Variants in KAZN observed in about 807,000 individuals in gnomAD.
The protein encoded by KAZN is kazrin, periplakin interacting protein.
KAZN carries 40 observed loss-of-function variants against 87.4 expected under a neutral mutation model. The ratio of observed to expected loss-of-function variants is 0.46; its 90% CI spans 0.36 to 0.60. The LOEUF is 0.60. Among genes scored for constraint, KAZN ranks in the 20% least tolerant of loss-of-function variants. The pLI, the probability that KAZN is intolerant of heterozygous loss-of-function variation, is 0.00. For synonymous variants in KAZN, 466 were observed against 458.3 expected, an observed-to-expected ratio of 1.02 and a Z score of -0.22; for missense variants, 898 against 1,073.9, an observed-to-expected ratio of 0.84 and a Z score of 2.29.
intron 3 of KAZN, among the ~76,000 whole-genome samples, chr1:15,036,544 C>T (rs1286135832): frequency 6.6e-6 from 1 of 152,024 alleles, no homozygotes; most frequent in Non-Finnish European, 1.5e-5. Flanking sequence ...CAGGGGAGCC[C>T]ACAGAGGCTG....
At chr1:14,516,117 C>A (rs767732153) in intron 2 of KAZN, among the ~76,000 whole-genome samples, 22 of 152,188 alleles carry the variant, frequency 1.4e-4, no homozygotes, top group Non-Finnish European at 2.8e-4. Flanking sequence ...TTCGCTTGAG[C>A]AGCAAGTCGA....
chr1:14,686,703 C>G (rs1340806525), intron 1 of KAZN, among the ~76,000 whole-genome samples: 3 of 152,220 alleles, frequency 2.0e-5, no homozygotes, highest in Non-Finnish European at 4.4e-5. Flanking sequence ...GGAGAAGGGC[C>G]TGGCACTGGC....
chr1:14,867,401 T>C (rs577548035), intron 1 of KAZN, among the ~76,000 whole-genome samples: 85 of 152,288 alleles, frequency 5.6e-4, no homozygotes, highest in African/African-American at 1.9e-3. Flanking sequence ...GACCATTGTA[T>C]TCCCCCGGGA....
intron 1 of KAZN, among the ~76,000 whole-genome samples, chr1:14,026,911 G>A (rs1169367697): frequency 6.6e-6 from 1 of 152,122 alleles, no homozygotes; most frequent in Non-Finnish European, 1.5e-5. Context: ...GATGGGGGAA[G>A]TGACATCCAA....
chr1:14,948,972 C>T (rs1662149007), intron 1 of KAZN, among the ~76,000 whole-genome samples: 1 of 152,076 alleles, frequency 6.6e-6, no homozygotes, highest in African/African-American at 2.4e-5. Flanking sequence ...GCCTGGCCAA[C>T]ATGGCAAAAT....
At chr1:14,891,273 G>A (rs143896020) in intron 1 of KAZN, among the ~76,000 whole-genome samples, 2,160 of 152,106 alleles carry the variant, frequency 0.014, 60 homozygotes, top group African/African-American at 0.048. Flanking sequence ...AGCAGTATAC[G>A]CTGAACCCAA....
At chr1:14,840,299 A>G (rs995077079) in intron 1 of KAZN, among the ~76,000 whole-genome samples, 2 of 152,094 alleles carry the variant, frequency 1.3e-5, no homozygotes, top group Admixed American at 6.5e-5. Context: ...CTAATCACAC[A>G]CAGAATAACT....
chr1:14,147,806 A>AG (rs398049115), intron 1 of KAZN, among the ~76,000 whole-genome samples: 3 of 150,800 alleles, frequency 2.0e-5, no homozygotes, highest in Non-Finnish European at 4.4e-5. Context: ...AAAAAAAAAA[A>AG]CAACAAAAAA....
At chr1:14,082,797 G>T (rs766462045) in intron 1 of KAZN, among the ~76,000 whole-genome samples, 1 of 152,114 alleles carries the variant, frequency 6.6e-6, no homozygotes, top group Non-Finnish European at 1.5e-5. Context: ...GTAGAAATCC[G>T]ATCTGGTCAA....
At chr1:14,161,514 A>G (rs1049641224) in intron 1 of KAZN, among the ~76,000 whole-genome samples, 1 of 152,228 alleles carries the variant, frequency 6.6e-6, no homozygotes, top group South Asian at 2.1e-4. Context: ...TCACAACTTC[A>G]GTTGACTTCC....
chr1:15,050,725 G>T (rs1674305775), intron 4 of KAZN, among the ~76,000 whole-genome samples: 1 of 152,156 alleles, frequency 6.6e-6, no homozygotes, highest in South Asian at 2.1e-4. Context: ...AGTGGTGGGG[G>T]GCCTGCCGCC....
intron 1 of KAZN, among the ~76,000 whole-genome samples, chr1:14,930,396 C>G (rs1234171428): frequency 6.6e-6 from 1 of 152,152 alleles, no homozygotes; most frequent in African/African-American, 2.4e-5. Flanking sequence ...GCTGCTATTT[C>G]CCGGATGCTT....
In KAZN at chr1:14,852,193, T is replaced by C. The variant is rs537845729; in HGVS notation, c.227-108491T>C. Among the ~76,000 whole-genome samples, 155 of 152,304 alleles carry C rather than the reference T, an allele frequency of 1.0e-3. 1 individual carries two copies. Among genetic ancestry groups the C allele is most frequent in the African/African-American group, 3.6e-3 (150 of 41,562 alleles). On this transcript the variant is annotated intron_variant, in intron 1 of 14. Coordinates refer to ENST00000376030, the MANE Select transcript of KAZN (RefSeq NM_201628.3). Reference sequence around the variant, plus strand: ...CTACCATCTCCCTCCACCTTGGGGCTGTCTAACTGGACCCGGCACTGGACA... The same window carrying C: ...CTACCATCTCCCTCCACCTTGGGGCCGTCTAACTGGACCCGGCACTGGACA...
At chr1:14,486,865 C>T (rs926465524) in intron 2 of KAZN, among the ~76,000 whole-genome samples, 1 of 152,146 alleles carries the variant, frequency 6.6e-6, no homozygotes, top group Non-Finnish European at 1.5e-5. Flanking sequence ...GGTTTGACCT[C>T]GAGCCTAAAT....
At chr1:13,970,723 T>C (rs546834339) in intron 1 of KAZN, among the ~76,000 whole-genome samples, 1 of 152,334 alleles carries the variant, frequency 6.6e-6, no homozygotes, top group East Asian at 1.9e-4. Flanking sequence ...TTCTTAACAA[T>C]GACTTTCTTT....
At chr1:14,034,213 A>C (rs1641447580) in intron 1 of KAZN, among the ~76,000 whole-genome samples, 1 of 152,222 alleles carries the variant, frequency 6.6e-6, no homozygotes, top group Non-Finnish European at 1.5e-5. Context: ...TCCATACCAC[A>C]AAAGAAAAAG....
chr1:14,595,748 C>A (rs1034814889), upstream of KAZN, among the ~76,000 whole-genome samples: 2 of 150,110 alleles, frequency 1.3e-5, no homozygotes, highest in African/African-American at 2.5e-5. Flanking sequence ...TGGTTTAAAT[C>A]AAGTATACCC....
intron 2 of KAZN, among the ~76,000 whole-genome samples, chr1:14,377,240 A>T (rs1046753284): frequency 1.1e-4 from 16 of 152,304 alleles, no homozygotes; most frequent in Admixed American, 2.0e-4. Context: ...AGGTCTTTTT[A>T]ACTGGTAATT....
chr1:14,640,409 G>A (rs988271353), intron 1 of KAZN, among the ~76,000 whole-genome samples: 1 of 152,182 alleles, frequency 6.6e-6, no homozygotes, highest in Non-Finnish European at 1.5e-5. Context: ...TGATTGCACA[G>A]GGTCCAGGGC....
Sources: gnomAD v4.1 joint callset for allele counts (sites outside exome capture counted in the v4.1 genomes callset) on GRCh38, gnomAD v4.1.1 for gene constraint, MANE v1.5 for transcripts, NCBI Gene and HGNC (gene_info 2026-07-23, HGNC 2026-07-21) for gene names.